Variants in ITFG1 observed in about 807,000 individuals in gnomAD.
ITFG1 encodes the protein T-cell immunomodulatory protein.
In ITFG1, 34 loss-of-function variants were observed where a neutral mutation model predicts 81.8. The observed-to-expected ratio is 0.42, with a 90% confidence interval of 0.32 to 0.55. The LOEUF is 0.55. Among genes scored for constraint, ITFG1 ranks in the 20% least tolerant of loss-of-function variants. The probability of loss-of-function intolerance (pLI) is 0.17; values close to 1 mark genes in which losing one functional copy is unlikely to be tolerated. For missense variants in ITFG1, 672 were observed against 755.4 expected, an observed-to-expected ratio of 0.89 and a Z score of 1.29; for synonymous variants, 285 against 270.6, an observed-to-expected ratio of 1.05 and a Z score of -0.52.
At chr16:47,393,301 C>T (rs1279350605) in intron 6 of ITFG1, among the ~76,000 whole-genome samples, 1 of 152,132 alleles carries the variant, frequency 6.6e-6, no homozygotes. Context: ...AGCCTGTATT[C>T]CTTTAGCATA....
intron 13 of ITFG1, among the ~76,000 whole-genome samples, chr16:47,235,699 C>G (rs1965865216): frequency 6.6e-6 from 1 of 152,152 alleles, no homozygotes; most frequent in Non-Finnish European, 1.5e-5. Flanking sequence ...GTAAAGAATA[C>G]TATATGGGAT....
chr16:47,200,153 G>T (rs938932184), intron 14 of ITFG1, among the ~76,000 whole-genome samples: 1 of 152,184 alleles, frequency 6.6e-6, no homozygotes, highest in Non-Finnish European at 1.5e-5. Flanking sequence ...TAGTCTAGGT[G>T]TGAAGTAGGC....
intron 10 of ITFG1, among the ~76,000 whole-genome samples, chr16:47,302,847 C>T (rs906083638): frequency 1.3e-5 from 2 of 152,140 alleles, no homozygotes; most frequent in Non-Finnish European, 2.9e-5. Flanking sequence ...CGCCTTGTTA[C>T]CTGACTTACA....
intron 6 of ITFG1, among the ~76,000 whole-genome samples, chr16:47,409,812 G>A (rs891595960): frequency 1.2e-4 from 18 of 151,896 alleles, no homozygotes; most frequent in Non-Finnish European, 2.6e-4. Context: ...CAGAAAAGAT[G>A]AATTTGATTA....
chr16:47,279,826 T>C (rs987849492), intron 10 of ITFG1, among the ~76,000 whole-genome samples: 1 of 152,200 alleles, frequency 6.6e-6, no homozygotes, highest in Non-Finnish European at 1.5e-5. Flanking sequence ...TAATGACATA[T>C]AGATACTTAA....
chr16:47,437,858 C>T lies in ITFG1; in HGVS notation c.561-8960G>A, dbSNP rs566864963. Among the ~76,000 whole-genome samples the T allele has an allele frequency of 3.3e-5, 5 of 152,266 alleles. No homozygotes were observed. The South Asian group carries it at 6.2e-4, about 19-fold the overall frequency. ...ATGCCGGACAGTGGGTGCAGCGCAC[C>T]GTGTGTGAGCAAAAGCAGGGCGAGG... On this transcript the variant is annotated intron_variant, in intron 5 of 17. Coordinates refer to ENST00000320640, the MANE Select transcript of ITFG1 (RefSeq NM_030790.5).
chr16:47,441,006 T>G (rs914525389), intron 5 of ITFG1, among the ~76,000 whole-genome samples: 1 of 151,830 alleles, frequency 6.6e-6, no homozygotes, highest in African/African-American at 2.4e-5. Context: ...AAAGGGGATA[T>G]CACCACCGAT....
chr16:47,256,173 T>C (rs536247046), intron 12 of ITFG1, among the ~76,000 whole-genome samples: 1 of 152,100 alleles, frequency 6.6e-6, no homozygotes, highest in Non-Finnish European at 1.5e-5. Flanking sequence ...CCATGTTGGC[T>C]GGTCTGGTCT....
chr16:47,226,152 G>A (rs1965754548), intron 13 of ITFG1, among the ~76,000 whole-genome samples: 1 of 152,188 alleles, frequency 6.6e-6, no homozygotes, highest in Non-Finnish European at 1.5e-5. Context: ...ATATGAACTA[G>A]ATTGTTTCTA....
chr16:47,363,211 AAAGAC>A lies in ITFG1; in HGVS notation c.802+2572_802+2576del, dbSNP rs200744925. ...ATTGCACCAGGCCTGTAAAATTCCT[AAAGAC>A]AAGGATGTTACCTTTAAAATCAGTT... On this transcript the variant is annotated intron_variant, in intron 8 of 17. Transcript: ENST00000320640. Among the ~76,000 whole-genome samples the A allele has an allele frequency of 7.1e-3, 1,079 of 152,192 alleles. 16 individuals are homozygous for A. Among genetic ancestry groups the A allele is most frequent in the African/African-American group, 0.025 (1,034 of 41,516 alleles).
chr16:47,249,235 T>C (rs901042521), intron 12 of ITFG1, among the ~76,000 whole-genome samples: 2 of 152,008 alleles, frequency 1.3e-5, no homozygotes, highest in Non-Finnish European at 2.9e-5. Flanking sequence ...CTAGCCAACA[T>C]AGTGAAACCC....
chr16:47,374,286 G>A (rs543994002), intron 7 of ITFG1, among the ~76,000 whole-genome samples: 1 of 152,172 alleles, frequency 6.6e-6, no homozygotes, highest in South Asian at 2.1e-4. Context: ...TTTATAAGAA[G>A]AAAAACCCTT....
chr16:47,371,604 A>G (rs981500470), intron 7 of ITFG1, among the ~76,000 whole-genome samples: 10 of 152,278 alleles, frequency 6.6e-5, no homozygotes, highest in Non-Finnish European at 1.5e-5. Context: ...AAAGGTAAAA[A>G]CTGACCATGA....
intron 6 of ITFG1, among the ~76,000 whole-genome samples, chr16:47,413,861 C>T (rs1326794004): frequency 2.0e-5 from 3 of 152,056 alleles, no homozygotes; most frequent in African/African-American, 7.2e-5. Flanking sequence ...GCTCTTATCC[C>T]CCAGGCTAGA....
intron 6 of ITFG1, among the ~76,000 whole-genome samples, chr16:47,423,983 A>G (rs1003054307): frequency 3.9e-5 from 6 of 152,178 alleles, no homozygotes; most frequent in African/African-American, 1.4e-4. Flanking sequence ...CTGCCTTGCT[A>G]GGTTGGGGAA....
At chr16:47,237,585 T>C (rs1379155821) in intron 13 of ITFG1, among the ~76,000 whole-genome samples, 1 of 152,240 alleles carries the variant, frequency 6.6e-6, no homozygotes, top group Non-Finnish European at 1.5e-5. Flanking sequence ...GCCTACTATA[T>C]GCTTGTCTCT....
intron 8 of ITFG1, among the ~76,000 whole-genome samples, chr16:47,323,929 T>TAA (rs1967488631): frequency 6.6e-6 from 1 of 152,218 alleles, no homozygotes; most frequent in South Asian, 2.1e-4. Flanking sequence ...TTCTTATGAT[T>TAA]AAACCCTAAA....
chr16:47,239,486 A>C (rs1267804200), intron 12 of ITFG1, among the ~76,000 whole-genome samples: 3 of 152,206 alleles, frequency 2.0e-5, no homozygotes, highest in Non-Finnish European at 4.4e-5. Flanking sequence ...GGTGTGAGCC[A>C]CTGGGTCTGG....
chr16:47,297,645 T>C (rs981063883), intron 10 of ITFG1, among the ~76,000 whole-genome samples: 1 of 152,002 alleles, frequency 6.6e-6, no homozygotes, highest in Admixed American at 6.6e-5. Flanking sequence ...TTTTTTTTTT[T>C]TTCTCTTTAA....
Sources: allele counts gnomAD v4.1 joint callset (sites outside exome capture counted in the v4.1 genomes callset), GRCh38; gene constraint gnomAD v4.1.1; transcripts MANE v1.5; gene names NCBI Gene and HGNC (gene_info 2026-07-23, HGNC 2026-07-21).